The following OSTF1 variants were observed in gnomAD, a reference collection of about 807,000 sequenced individuals.
The protein encoded by OSTF1 is osteoclast-stimulating factor 1.
In OSTF1, 27 loss-of-function variants were observed where a neutral mutation model predicts 37.2. That is an observed-to-expected ratio of 0.73 (90% CI 0.54 to 1.00). The LOEUF (loss-of-function observed/expected upper bound fraction) is 1.00, where lower values mean the gene tolerates loss of function less well. Among genes scored for constraint, OSTF1 ranks in the 50% least tolerant of loss-of-function variants. The pLI is 0.00. For synonymous variants in OSTF1, 82 were observed against 89.2 expected (o/e 0.92, Z 0.46); for missense variants, 232 against 253.8 (o/e 0.91, Z 0.58).
chr9:75,134,125 A>G (rs1825808085), intron 6 of OSTF1, among the ~76,000 whole-genome samples: 1 of 152,052 alleles, frequency 6.6e-6, no homozygotes, highest in South Asian at 2.1e-4. Flanking sequence ...TAAGTGTCAT[A>G]TGAAAATGCA....
intron 1 of OSTF1, among the ~76,000 whole-genome samples, chr9:75,098,432 T>C (rs1009924054): frequency 6.6e-6 from 1 of 152,202 alleles, no homozygotes; most frequent in Non-Finnish European, 1.5e-5. Context: ...AATTTTTTTT[T>C]CTTTTCTTGT....
chr9:75,123,416 C>T (rs1275518366), intron 2 of OSTF1, among the ~76,000 whole-genome samples: 1 of 151,896 alleles, frequency 6.6e-6, no homozygotes, highest in African/African-American at 2.4e-5. Flanking sequence ...AGTGAGACTC[C>T]GTCTCAAAAA....
chr9:75,088,557 A>G lies in OSTF1; in HGVS notation c.-136A>G. ...GCCTGCGTCCGCTCTTCCCGCAGCC[A>G]AGGGTGGGCGCCGGTCCTAGGAGGC... On this transcript the variant is annotated 5_prime_UTR_variant, in exon 1 of 10. Transcript: ENST00000346234. The G allele has an allele frequency of 7.6e-6, 7 of 918,540 alleles. No homozygotes were observed. Among genetic ancestry groups the G allele is most frequent in the Non-Finnish European group, 1.2e-5 (7 of 586,622 alleles). The allele number at this position is 918,540 out of a possible 1,614,324, so 56.9% of individuals were successfully genotyped here. A position where few individuals can be genotyped will look rare whatever the true frequency, so the allele number is the denominator to read the frequency against.
At chr9:75,139,054 C>CTTTCTTTCTTTCTTTCTTTCT (rs1465270702) in intron 8 of OSTF1, among the ~76,000 whole-genome samples, 8 of 109,492 alleles carry the variant, frequency 7.3e-5, no homozygotes, top group African/African-American at 1.5e-4. Flanking sequence ...TTCTTTCTTT[C>CTTTCTTTCTTTCTTTCTTTCT]TTTTTTTTTT....
Position 75,134,310 on chromosome 9 carries a change from C to T in OSTF1, c.359-36C>T, listed in dbSNP as rs374159388. ...CTAGATTTGTCAGGCTTCTAATTTT[C>T]GTTCTTAAAAGGTATCTTTTCTCTT... On this transcript the variant is annotated intron_variant, in intron 6 of 9. Coordinates refer to ENST00000346234, the MANE Select transcript of OSTF1 (RefSeq NM_012383.5). The T allele has an allele frequency of 1.0e-4, 105 of 1,053,996 alleles. No individual in the cohort carries two copies. The African/African-American group carries it at 1.4e-3, about 14-fold the overall frequency. 65.3% of individuals were successfully genotyped at this position (1,053,996 alleles called of 1,614,324 possible).
At chr9:75,140,279 A>G (rs1825918966) in intron 8 of OSTF1, among the ~76,000 whole-genome samples, 1 of 152,236 alleles carries the variant, frequency 6.6e-6, no homozygotes, top group African/African-American at 2.4e-5. Flanking sequence ...TTTGTTCAGC[A>G]TACATTTGTA....
intron 2 of OSTF1, among the ~76,000 whole-genome samples, chr9:75,119,559 G>A (rs930533374): frequency 6.6e-6 from 1 of 152,174 alleles, no homozygotes; most frequent in African/African-American, 2.4e-5. Context: ...CAAGGTGTCG[G>A]CAGGATTGGT....
chr9:75,137,669 A>C, intron 8 of OSTF1, 53 bp downstream of exon 8: 2 of 1,101,602 alleles, frequency 1.8e-6, no homozygotes, highest in Non-Finnish European at 1.4e-6. Context: ...AAAATAGTCT[A>C]TATCAACTTA....
At chr9:75,104,157 T>C (rs1368143435) in intron 1 of OSTF1, among the ~76,000 whole-genome samples, 9 of 152,082 alleles carry the variant, frequency 5.9e-5, no homozygotes, top group African/African-American at 9.7e-5. Flanking sequence ...GGTGGGATGA[T>C]TGCCCGAGCC....
chr9:75,128,552 C>CAT (rs58960713), intron 3 of OSTF1, among the ~76,000 whole-genome samples: 62 of 2,878 alleles, frequency 0.022, 19 homozygotes, highest in Non-Finnish European at 0.038. Flanking sequence ...ATATTTTGTC[C>CAT]ATATATATAT....
Position 75,134,485 on chromosome 9 carries a change from C to A in OSTF1, c.408+90C>A, listed in dbSNP as rs1257385396. On this transcript the variant is annotated intron_variant, in intron 7 of 9. Transcript: ENST00000346234. The stretch of plus-strand genomic sequence containing the variant: ...TCATGGGCATGTGAAGTATTGTAGT[C>A]AAAATCCCACAAGCACATAATTTAA... 1.8e-5 allele frequency: 12 copies of A among 659,000 alleles called. No individual in the cohort carries two copies. The African/African-American group carries it at 2.3e-4, about 13-fold the overall frequency. The allele number at this position is 659,000 out of a possible 1,614,324, so 40.8% of individuals were successfully genotyped here.
At chr9:75,094,662 A>G (rs1326598490) in intron 1 of OSTF1, among the ~76,000 whole-genome samples, 2 of 141,726 alleles carry the variant, frequency 1.4e-5, no homozygotes, top group Non-Finnish European at 3.2e-5. Context: ...GAAAGACTAC[A>G]TTAAAAAAAA....
At chr9:75,117,191 A>G (rs1825504756) in intron 1 of OSTF1, among the ~76,000 whole-genome samples, 1 of 152,156 alleles carries the variant, frequency 6.6e-6, no homozygotes, top group Admixed American at 6.5e-5. Context: ...AACATTTATC[A>G]TTTCTTTGTA....
Position 75,096,065 on chromosome 9 carries a change from G to A in OSTF1, c.34+7339G>A, listed in dbSNP as rs1025816313. Among the ~76,000 whole-genome samples, 4 of 152,136 alleles carry A rather than the reference G, an allele frequency of 2.6e-5. No homozygotes were observed. In the East Asian group the frequency reaches 7.8e-4, roughly 29 times the overall value. ...CGCCACCACGCCTGGCTAATTTTTG[G>A]TATTTTTAGTAGAGTCAGGGTTTCA... On this transcript the variant is annotated intron_variant, in intron 1 of 9. Coordinates refer to ENST00000346234, the MANE Select transcript of OSTF1 (RefSeq NM_012383.5).
Position 75,127,597 on chromosome 9 carries a change from A to G in OSTF1, c.110A>G (p.Asp37Gly). 1 of 1,582,590 alleles carries G rather than the reference A, an allele frequency of 6.3e-7. No individual in the cohort carries two copies. The change falls in exon 3 of 10, where the codon GAT (aspartate) becomes GGT (glycine). Residue 37 changes from aspartate to glycine, a missense_variant. Physicochemically the swap from Asp to Gly is moderately conservative, Grantham distance 94. Coordinates refer to ENST00000346234, the MANE Select transcript of OSTF1 (RefSeq NM_012383.5). Reference sequence around the variant, plus strand: ...GATGAATTATACTTTGAGGAAGGTGATATTATCTACATTACTGACATGGTA... The same window carrying G: ...GATGAATTATACTTTGAGGAAGGTGGTATTATCTACATTACTGACATGGTA... ...TPDELYFEEG[D>G]IIYITDMSDT...
intron 8 of OSTF1, 131 bp from the exon 9 acceptor site, chr9:75,140,703 G>T: frequency 1.7e-6 from 1 of 595,242 alleles, no homozygotes; most frequent in Non-Finnish European, 3.0e-6. Flanking sequence ...ATTGTTTTGA[G>T]AACGTTTACT....
chr9:75,146,070 C>T (rs1182945691), intron 9 of OSTF1, among the ~76,000 whole-genome samples: 4 of 152,172 alleles, frequency 2.6e-5, no homozygotes, highest in African/African-American at 9.7e-5. Flanking sequence ...TAATCTGTTG[C>T]TATAGGAATT....
chr9:75,089,891 C>T (rs1824926185), intron 1 of OSTF1, among the ~76,000 whole-genome samples: 1 of 152,006 alleles, frequency 6.6e-6, no homozygotes, highest in South Asian at 2.1e-4. Flanking sequence ...TATGAAGTCC[C>T]TTTATTTGAT....
chr9:75,140,889 C>A lies in OSTF1; in HGVS notation c.543C>A (p.Thr181=), dbSNP rs1379347990. The change falls in exon 9 of 10, where the codon ACC becomes ACA. Residue 181 remains threonine, a synonymous_variant. Transcript: ENST00000346234. ...IEKKLAFDMA[T]NAACASLLKK... ...AGAAGCTGGCCTTCGACATGGCTAC[C>A]AATGCTGCCTGTGCATCTCTCCTGA... 1 of 1,613,574 alleles carries A rather than the reference C, an allele frequency of 6.2e-7. No individual in the cohort carries two copies. Among genetic ancestry groups the A allele is most frequent in the Non-Finnish European group, 8.5e-7 (1 of 1,179,684 alleles).
Sources: allele counts gnomAD v4.1 joint callset (sites outside exome capture counted in the v4.1 genomes callset), GRCh38; gene constraint gnomAD v4.1.1; transcripts MANE v1.5; gene names NCBI Gene and HGNC (gene_info 2026-07-23, HGNC 2026-07-21).